COL4A1: variants seen among roughly 807,000 people sequenced by gnomAD.
COL4A1 encodes the protein collagen type IV alpha 1 chain.
COL4A1 carries 40 observed loss-of-function variants against 216.6 expected under a neutral mutation model. That is an observed-to-expected ratio of 0.18 (90% confidence interval 0.14 to 0.24). COL4A1 has a LOEUF of 0.24. COL4A1 is among the 10% of genes least tolerant of loss of function. The pLI is 1.00. For missense variants in COL4A1, 1,628 were observed against 2,196.8 expected (o/e 0.74, Z 5.18); for synonymous variants, 839 against 810.7 (o/e 1.03, Z -0.59).
At chr13:110,238,934 C>T (rs1881441599) in intron 2 of COL4A1, among the ~76,000 whole-genome samples, 2 of 152,142 alleles carry the variant, frequency 1.3e-5, no homozygotes, top group African/African-American at 4.8e-5. Flanking sequence ...TGAAGGCAAG[C>T]ATTCAAAACC....
At chr13:110,301,167 GT>G (rs2139323405) in intron 1 of COL4A1, among the ~76,000 whole-genome samples, 1 of 152,324 alleles carries the variant, frequency 6.6e-6, no homozygotes, top group East Asian at 1.9e-4. Flanking sequence ...ATTCATCTTT[GT>G]GTTCACTAGT....
At position 110,211,705 on chromosome 13, in the gene COL4A1, T is replaced by C; in HGVS notation, c.442-32A>G. The C allele has an allele frequency of 1.2e-6, 2 of 1,605,204 alleles. No individual in the cohort carries two copies. Among genetic ancestry groups the C allele is most frequent in the Admixed American group, 1.7e-5 (1 of 59,378 alleles). On this transcript the variant is annotated intron_variant, in intron 7 of 51. Transcript: ENST00000375820. The surrounding 1 kb of genome is among the most constrained non-coding windows in gnomAD (Gnocchi z 4.3). ...AAGAAAGTTTTGGTGTTAGTTTTGT[T>C]TTTCTCAAAATATCATTAGCATTAA... is the stretch of plus-strand genomic sequence containing the variant.
intron 1 of COL4A1, among the ~76,000 whole-genome samples, chr13:110,257,660 A>G (rs1369452616): frequency 6.6e-6 from 1 of 152,234 alleles, no homozygotes; most frequent in Admixed American, 6.5e-5. Context: ...AGGTCAGTGC[A>G]TGTTGAGGCC....
At chr13:110,163,230 T>C (rs934869692) in intron 47 of COL4A1, among the ~76,000 whole-genome samples, 2 of 152,254 alleles carry the variant, frequency 1.3e-5, no homozygotes, top group African/African-American at 4.8e-5. Flanking sequence ...TTGGCTGCCT[T>C]TCAACAACAT....
chr13:110,233,010 G>GT (rs534753878), intron 2 of COL4A1, among the ~76,000 whole-genome samples: 7 of 152,228 alleles, frequency 4.6e-5, no homozygotes, highest in Admixed American at 3.9e-4. Context: ...GGATGTGTGT[G>GT]TATCAGTGAC....
intron 2 of COL4A1, among the ~76,000 whole-genome samples, chr13:110,235,569 T>C (rs948344654): frequency 6.7e-6 from 1 of 148,596 alleles, no homozygotes; most frequent in East Asian, 2.0e-4. Flanking sequence ...GAGAATGGCG[T>C]GAACCAGTGA....
chr13:110,267,852 T>C (rs1883100354), intron 1 of COL4A1, among the ~76,000 whole-genome samples: 2 of 152,116 alleles, frequency 1.3e-5, no homozygotes, highest in African/African-American at 4.8e-5. Flanking sequence ...TAGGTAATTA[T>C]TATTATATGT....
chr13:110,194,164 C>T (rs1356241760), intron 22 of COL4A1, among the ~76,000 whole-genome samples: 2 of 152,290 alleles, frequency 1.3e-5, no homozygotes, highest in East Asian at 3.9e-4. Context: ...CAGTGGCACC[C>T]CTGTGATGAC....
chr13:110,156,230 T>C (rs1462097458), intron 49 of COL4A1, among the ~76,000 whole-genome samples: 7 of 152,218 alleles, frequency 4.6e-5, no homozygotes, highest in African/African-American at 9.7e-5. Flanking sequence ...TTTTCCAATC[T>C]TTCAACAATG....
At position 110,167,253 on chromosome 13, in the gene COL4A1, G is replaced by C. The variant is rs771376608; in HGVS notation, c.3877-23C>G. 2 of 1,583,954 alleles carry C rather than the reference G, an allele frequency of 1.3e-6. No homozygotes were observed. Among genetic ancestry groups the C allele is most frequent in the African/African-American group, 2.7e-5 (2 of 74,356 alleles). The stretch of plus-strand genomic sequence containing the variant: ...ACCCTAGACACGCAAAGAGGAGGTT[G>C]GGAATTGCTCAGGATATGTAGGTTA... On this transcript the variant is annotated intron_variant, in intron 43 of 51. Transcript: ENST00000375820.
intron 21 of COL4A1, 126 bp from the exon 22 acceptor site, chr13:110,195,244 T>G (rs78917978): frequency 1.2e-6 from 1 of 812,344 alleles, no homozygotes; most frequent in East Asian, 2.7e-5. Context: ...CAGCTTTAGT[T>G]TGTTTCAAAA....
intron 2 of COL4A1, among the ~76,000 whole-genome samples, chr13:110,230,836 GC>G (rs1316144916): frequency 6.6e-6 from 1 of 152,200 alleles, no homozygotes. Context: ...AAGCAAGGAG[GC>G]CTCCAGCCGC....
Position 110,174,434 on chromosome 13 carries a change from AG to A in COL4A1, c.3406+11del. The A allele has an allele frequency of 1.2e-6, 2 of 1,613,298 alleles. No individual in the cohort carries two copies. Among genetic ancestry groups the A allele is most frequent in the Non-Finnish European group, 1.7e-6 (2 of 1,179,950 alleles). ...TATGTGCCCGGGCTGTGTCCCAAAG[AG>A]GGCCCTCTACCTGCTTCTCCTTTGA... On this transcript the variant is annotated intron_variant, in intron 39 of 51. Coordinates refer to ENST00000375820, the MANE Select transcript of COL4A1 (RefSeq NM_001845.6).
chr13:110,191,685 G>A (rs946982466), intron 24 of COL4A1: 18 of 670,158 alleles, frequency 2.7e-5, no homozygotes, highest in Admixed American at 1.5e-4. Context: ...ATTTTCAACT[G>A]TAAGAAGAAG....
At chr13:110,236,246 A>G (rs757193958) in intron 2 of COL4A1, among the ~76,000 whole-genome samples, 2 of 152,196 alleles carry the variant, frequency 1.3e-5, no homozygotes, top group Non-Finnish European at 2.9e-5. Context: ...AAAACAATCA[A>G]TGTAAAATGG....
At chr13:110,267,103 C>A (rs1226847895) in intron 1 of COL4A1, among the ~76,000 whole-genome samples, 1 of 152,140 alleles carries the variant, frequency 6.6e-6, no homozygotes, top group Non-Finnish European at 1.5e-5. Flanking sequence ...AAACCCACAG[C>A]GAGGGCAGCG....
chr13:110,203,481 C>T (rs1219669694), intron 18 of COL4A1, 85 bp downstream of exon 18: 2 of 1,496,816 alleles, frequency 1.3e-6, no homozygotes, highest in South Asian at 1.1e-5. Flanking sequence ...CCTCTCCTTC[C>T]TCCCCCCAGT....
intron 10 of COL4A1, 92 bp downstream of exon 10, chr13:110,209,888 G>A: frequency 6.9e-7 from 1 of 1,456,476 alleles, no homozygotes; most frequent in African/African-American, 1.4e-5. Flanking sequence ...CCACAACTGT[G>A]TAAAGTTTTT....
At chr13:110,231,361 G>C (rs1253185157) in intron 2 of COL4A1, among the ~76,000 whole-genome samples, 34 of 152,196 alleles carry the variant, frequency 2.2e-4, no homozygotes, top group Admixed American at 2.2e-3. Context: ...TCCAAATCGG[G>C]AAAAACCTGA....
Sources: gnomAD v4.1 joint callset for allele counts (sites outside exome capture counted in the v4.1 genomes callset) on GRCh38, gnomAD v4.1.1 for gene constraint, Gnocchi (gnomAD v3.1) non-coding constraint, MANE v1.5 for transcripts, NCBI Gene and HGNC (gene_info 2026-07-23, HGNC 2026-07-21) for gene names.